Variants in CSPG5 observed in about 807,000 individuals in gnomAD.
CSPG5 encodes chondroitin sulfate proteoglycan 5.
A neutral mutation model predicts 39.8 loss-of-function variants in CSPG5; 25 were observed. That is an observed-to-expected ratio of 0.63 (90% CI 0.46 to 0.88). The LOEUF (loss-of-function observed/expected upper bound fraction) is 0.88. Ranked by LOEUF, CSPG5 falls within the 40% of genes least tolerant of loss-of-function variation. The pLI, the probability that CSPG5 is intolerant of heterozygous loss-of-function variation, is 0.00. For synonymous variants in CSPG5, 295 were observed against 303.9 expected (o/e 0.97, Z 0.31); for missense variants, 627 against 702.2 (o/e 0.89, Z 1.21).
chr3:47,569,003 A>C, intron 4 of CSPG5, 149 bp downstream of exon 4: 1 of 1,349,942 alleles, frequency 7.4e-7, no homozygotes, highest in Non-Finnish European at 9.8e-7. Context: ...ATATTCTGAA[A>C]TAGACATCAG....
intron 4 of CSPG5, among the ~76,000 whole-genome samples, chr3:47,564,828 G>A (rs975235253): frequency 2.0e-5 from 3 of 152,032 alleles, no homozygotes; most frequent in East Asian, 3.9e-4. Flanking sequence ...AGAGGGAGGT[G>A]GGGGTGAAGT....
chr3:47,577,314 G>A lies in CSPG5; in HGVS notation c.712C>T (p.His238Tyr). 1 of 1,613,810 alleles carries A rather than the reference G, an allele frequency of 6.2e-7. No homozygotes were observed. The highest frequency in any genetic ancestry group is 1.1e-5 in the South Asian group (1 of 91,028). The part of the protein sequence containing the change: ...FPGSPGTSEN[H>Y]PDTEGETPSW... Reference sequence around the variant, plus strand: ...GGGGTCTCTCCCTCAGTATCAGGGTGGTTCTCTGAGGTTCCTGGTGACCCT... The same window carrying A: ...GGGGTCTCTCCCTCAGTATCAGGGTAGTTCTCTGAGGTTCCTGGTGACCCT... Residue 238 changes from histidine (H) to tyrosine (Y), a missense_variant, in exon 2 of 5, where the codon CAC becomes TAC. By Grantham distance (83) the His-to-Tyr change is moderately conservative (BLOSUM62 2). Transcript: ENST00000264723. This position sits in a 1 kb window ranked among gnomAD's most constrained non-coding sequence, Gnocchi z 4.7.
chr3:47,567,064 C>T (rs1436285120), intron 4 of CSPG5, among the ~76,000 whole-genome samples: 1 of 152,220 alleles, frequency 6.6e-6, no homozygotes, highest in Non-Finnish European at 1.5e-5. Flanking sequence ...GCTGTGTAGC[C>T]AAGCCCTCCA....
intron 2 of CSPG5, among the ~76,000 whole-genome samples, chr3:47,575,539 C>G (rs1051631885): frequency 6.6e-6 from 1 of 152,154 alleles, no homozygotes; most frequent in Admixed American, 6.5e-5. Flanking sequence ...AAACTAAACT[C>G]TGAGTCTTTA....
upstream of CSPG5, chr3:47,579,694 G>C (rs1029019978): frequency 6.6e-6 from 1 of 152,214 alleles, no homozygotes; most frequent in Non-Finnish European, 1.5e-5. This position sits in a 1 kb window ranked among gnomAD's most constrained non-coding sequence, Gnocchi z 4.2. Flanking sequence ...AGACCAGGGG[G>C]GTCTAGATCC....
chr3:47,563,345 G>C (rs1180958314), intron 4 of CSPG5, among the ~76,000 whole-genome samples: 2 of 152,138 alleles, frequency 1.3e-5, no homozygotes, highest in African/African-American at 4.8e-5. Flanking sequence ...GCTAAAAGAT[G>C]CTAGCTAAAA....
chr3:47,567,043 C>T (rs781770875), intron 4 of CSPG5, among the ~76,000 whole-genome samples: 7 of 152,334 alleles, frequency 4.6e-5, no homozygotes, highest in Non-Finnish European at 1.0e-4. Flanking sequence ...GAACAAGAAA[C>T]CTTCGCACCG....
chr3:47,570,771 C>T (rs927403229), intron 3 of CSPG5, among the ~76,000 whole-genome samples: 6 of 151,752 alleles, frequency 4.0e-5, no homozygotes, highest in Admixed American at 1.3e-4. Context: ...CCACCTGCCT[C>T]GGCCTCCCAA....
intron 3 of CSPG5, among the ~76,000 whole-genome samples, chr3:47,570,267 CA>C (rs2031479867): frequency 9.6e-6 from 1 of 103,896 alleles, no homozygotes; most frequent in Non-Finnish European, 2.1e-5. Context: ...TATCTTAAAA[CA>C]ATTTTTTTTT....
At chr3:47,566,995 T>C (rs1576368787) in intron 4 of CSPG5, among the ~76,000 whole-genome samples, 1 of 152,174 alleles carries the variant, frequency 6.6e-6, no homozygotes, top group African/African-American at 2.4e-5. Flanking sequence ...AGCGTTCAGG[T>C]ACAAAAGCCT....
At chr3:47,567,297 GAGCCCCCAT>G (rs1458059262) in intron 4 of CSPG5, among the ~76,000 whole-genome samples, 4 of 152,114 alleles carry the variant, frequency 2.6e-5, no homozygotes, top group Non-Finnish European at 4.4e-5. Flanking sequence ...ATGGAACTGA[GAGCCCCCAT>G]AGCCCACCAT....
rs1200574432 is a variant in CSPG5, at chr3:47,577,756, C to T, written c.270G>A (p.Gln90=). The T allele has an allele frequency of 2.5e-6, 4 of 1,589,962 alleles. No homozygotes were observed. Among genetic ancestry groups the T allele is most frequent in the Non-Finnish European group, 2.6e-6 (3 of 1,174,284 alleles). Residue 90 remains glutamine, a synonymous_variant, in exon 2 of 5, where the codon CAG becomes CAA. Coordinates refer to ENST00000264723, the MANE Select transcript of CSPG5 (RefSeq NM_006574.4). This position sits in a 1 kb window ranked among gnomAD's most constrained non-coding sequence, Gnocchi z 4.7. ...CGGTGCCGGTCACCGCAGCCGACTC[C>T]TGCAGCACCTCTTCTGGCCCGGCCA... ...GELAGPEEVL[Q]ESAAVTGTAW...
intron 3 of CSPG5, among the ~76,000 whole-genome samples, chr3:47,571,398 C>T (rs2031522853): frequency 6.6e-6 from 1 of 152,230 alleles, no homozygotes; most frequent in African/African-American, 2.4e-5. Flanking sequence ...GTTCCTTTCT[C>T]TCCCCCATCC....
At chr3:47,569,037 G>A in intron 4 of CSPG5, 115 bp downstream of exon 4, 2 of 1,448,274 alleles carry the variant, frequency 1.4e-6, no homozygotes, top group South Asian at 3.0e-5. Flanking sequence ...GCCAAAGCAT[G>A]CATAAGAGGA....
chr3:47,577,502 A>T lies in CSPG5; in HGVS notation c.524T>A (p.Val175Asp). 1 of 1,611,392 alleles carries T rather than the reference A, an allele frequency of 6.2e-7. No individual in the cohort carries two copies. Among genetic ancestry groups the T allele is most frequent in the Non-Finnish European group, 8.5e-7 (1 of 1,179,356 alleles). ...SELPKESPLE[V>D]WLNLGGSTPD... Reference sequence around the variant, plus strand: ...TGTGCTGCCCCCCAGGTTCAGCCAAACCTCCAAGGGGCTCTCCTTGGGGAG... The same window carrying T: ...TGTGCTGCCCCCCAGGTTCAGCCAATCCTCCAAGGGGCTCTCCTTGGGGAG... The change falls in exon 2 of 5, where the codon GTT (valine) becomes GAT (aspartate). Residue 175 changes from valine to aspartate, a missense_variant. Physicochemically the swap from Val to Asp is radical, Grantham distance 152 (BLOSUM62 -3). Coordinates refer to ENST00000264723, the MANE Select transcript of CSPG5 (RefSeq NM_006574.4). The surrounding 1 kb of genome is among the most constrained non-coding windows in gnomAD (Gnocchi z 4.7).
Position 47,577,676 on chromosome 3 carries a change from C to G in CSPG5, c.350G>C (p.Ser117Thr), listed in dbSNP as rs1223984155. Residue 117 changes from serine to threonine, a missense_variant, in exon 2 of 5, where the codon AGC (serine) becomes ACC (threonine). Transcript: ENST00000264723. The surrounding 1 kb of genome is among the most constrained non-coding windows in gnomAD (Gnocchi z 4.7). Reference protein sequence around the residue: ...GLGGVTAEAGSGDAQALPATL... With the variant: ...GLGGVTAEAGTGDAQALPATL... ...AGCTGGAAGGGCCTGGGCATCGCCG[C>G]TGCCCGCCTCTGCGGTCACTCCTCC... is the stretch of plus-strand genomic sequence containing the variant. The G allele has an allele frequency of 6.3e-7, 1 of 1,594,760 alleles. No homozygotes were observed. The highest frequency in any genetic ancestry group is 1.3e-5 in the African/African-American group (1 of 74,692).
At chr3:47,576,231 C>A (rs1167056054) in intron 2 of CSPG5, among the ~76,000 whole-genome samples, 1 of 152,044 alleles carries the variant, frequency 6.6e-6, no homozygotes, top group African/African-American at 2.4e-5. Flanking sequence ...GCCACCACGC[C>A]CGGCCTCATT....
intron 3 of CSPG5, 92 bp from the exon 4 acceptor site, chr3:47,569,319 T>C (rs2031437518): frequency 4.3e-6 from 6 of 1,381,722 alleles, no homozygotes; most frequent in Middle Eastern, 1.8e-4. Context: ...AATACTGTAT[T>C]TCGGCTGGGC....
In CSPG5 at chr3:47,572,663, A is replaced by G. The variant is rs1451954590; in HGVS notation, c.1382+23T>C. 6.2e-7 allele frequency: 1 copy of G among 1,602,774 alleles called. No individual in the cohort carries two copies. Among genetic ancestry groups the G allele is most frequent in the Non-Finnish European group, 8.5e-7 (1 of 1,170,682 alleles). ...GCCTCCCACACCCTGACCTGGGTGGATGGGTGAGTGACACAGACTCACTTG... is the reference window on the plus strand; with the variant it reads ...GCCTCCCACACCCTGACCTGGGTGGGTGGGTGAGTGACACAGACTCACTTG... On this transcript the variant is annotated intron_variant, in intron 3 of 4. Transcript: ENST00000264723. The surrounding 1 kb of genome is among the most constrained non-coding windows in gnomAD (Gnocchi z 4.5).
Sources: gnomAD v4.1 joint callset for allele counts (sites outside exome capture counted in the v4.1 genomes callset) on GRCh38, gnomAD v4.1.1 for gene constraint, Gnocchi (gnomAD v3.1) non-coding constraint, MANE v1.5 for transcripts, NCBI Gene and HGNC (gene_info 2026-07-23, HGNC 2026-07-21) for gene names.